The following LRFN2 variants were observed in gnomAD, a reference collection of about 807,000 sequenced individuals.
The protein encoded by LRFN2 is leucine-rich repeat and fibronectin type-III domain-containing protein 2.
In LRFN2, 18 loss-of-function variants were observed where a neutral mutation model predicts 37.3. The ratio of observed to expected loss-of-function variants is 0.48; its 90% CI spans 0.33 to 0.72. The LOEUF is 0.72. Ranked by LOEUF, LRFN2 falls within the 30% of genes least tolerant of loss-of-function variation. The probability of loss-of-function intolerance (pLI) is 0.02; values close to 1 mark genes in which losing one functional copy is unlikely to be tolerated. For synonymous variants in LRFN2, 556 were observed against 466.6 expected (o/e 1.19, Z -2.47); for missense variants, 1,006 against 1,060.7 (o/e 0.95, Z 0.72).
chr6:40,534,924 G>C (rs780755340), intron 1 of LRFN2, among the ~76,000 whole-genome samples: 9 of 152,132 alleles, frequency 5.9e-5, no homozygotes, highest in Non-Finnish European at 1.2e-4. Context: ...CAGATGAGGC[G>C]CCTGAGGCTC....
chr6:40,418,232 C>A (rs1202498817), intron 2 of LRFN2, among the ~76,000 whole-genome samples: 1 of 152,148 alleles, frequency 6.6e-6, no homozygotes, highest in African/African-American at 2.4e-5. Context: ...TTTCACCTGC[C>A]TGACTCTTTC....
chr6:40,557,169 C>T (rs1766906091), intron 1 of LRFN2, among the ~76,000 whole-genome samples: 1 of 152,148 alleles, frequency 6.6e-6, no homozygotes, highest in Non-Finnish European at 1.5e-5. Flanking sequence ...GACAGTGCCT[C>T]CTCACTCACC....
intron 1 of LRFN2, among the ~76,000 whole-genome samples, chr6:40,503,603 G>A (rs1391591215): frequency 6.6e-6 from 1 of 152,184 alleles, no homozygotes; most frequent in Non-Finnish European, 1.5e-5. Context: ...GTCTTGGTAG[G>A]AGACACAAAT....
intron 2 of LRFN2, among the ~76,000 whole-genome samples, chr6:40,398,385 G>A (rs1017764917): frequency 2.0e-5 from 3 of 151,996 alleles, no homozygotes; most frequent in East Asian, 3.9e-4. Context: ...AGAAGTAGCC[G>A]GACCTCACTC....
intron 1 of LRFN2, among the ~76,000 whole-genome samples, chr6:40,480,738 C>T (rs1764809071): frequency 1.3e-5 from 2 of 152,090 alleles, no homozygotes; most frequent in African/African-American, 4.8e-5. Context: ...AAGAATAAAT[C>T]CCTAGCCTGC....
At chr6:40,470,149 C>T (rs761756061) in intron 1 of LRFN2, among the ~76,000 whole-genome samples, 1 of 152,198 alleles carries the variant, frequency 6.6e-6, no homozygotes, top group Non-Finnish European at 1.5e-5. Context: ...GCCTGCAGAA[C>T]CCCACTTGCC....
intron 1 of LRFN2, among the ~76,000 whole-genome samples, chr6:40,568,496 T>C (rs1767130231): frequency 6.6e-6 from 1 of 152,216 alleles, no homozygotes; most frequent in South Asian, 2.1e-4. Context: ...TGTGGGTGGC[T>C]TACAGGCATC....
chr6:40,533,016 G>A (rs1766376030), intron 1 of LRFN2, among the ~76,000 whole-genome samples: 1 of 152,230 alleles, frequency 6.6e-6, no homozygotes, highest in South Asian at 2.1e-4. Flanking sequence ...AAGGTGTTAA[G>A]TGGCACAGTG....
intron 1 of LRFN2, among the ~76,000 whole-genome samples, chr6:40,436,935 A>G (rs955693635): frequency 6.6e-6 from 1 of 152,188 alleles, no homozygotes; most frequent in Admixed American, 6.5e-5. Flanking sequence ...CCACGAGAGC[A>G]CATGAACAGC....
intron 2 of LRFN2, 123 bp downstream of exon 2, chr6:40,431,591 A>T: frequency 1.3e-6 from 1 of 765,874 alleles, no homozygotes; most frequent in Non-Finnish European, 1.9e-6. Context: ...AGTTTGCCCC[A>T]GAATCCCCAC....
intron 1 of LRFN2, among the ~76,000 whole-genome samples, chr6:40,514,526 G>A (rs1430788948): frequency 1.3e-5 from 2 of 151,984 alleles, no homozygotes; most frequent in Non-Finnish European, 1.5e-5. Context: ...TGTTGACCAA[G>A]CTGATCTTGA....
chr6:40,449,263 C>A (rs1271147920), intron 1 of LRFN2, among the ~76,000 whole-genome samples: 1 of 152,166 alleles, frequency 6.6e-6, no homozygotes, highest in Non-Finnish European at 1.5e-5. Flanking sequence ...CAAAACATTC[C>A]TTTGTACCCC....
At chr6:40,396,858 A>G (rs1161022917) in intron 2 of LRFN2, among the ~76,000 whole-genome samples, 3 of 152,120 alleles carry the variant, frequency 2.0e-5, no homozygotes, top group Non-Finnish European at 4.4e-5. Context: ...CTTTTCTAAT[A>G]ACAATAATAA....
intron 2 of LRFN2, 60 bp downstream of exon 2, chr6:40,431,654 A>G (rs1581699177): frequency 7.0e-7 from 1 of 1,423,488 alleles, no homozygotes; most frequent in East Asian, 2.3e-5. Context: ...AGACCTCCCC[A>G]TCCCCTCCTC....
intron 1 of LRFN2, among the ~76,000 whole-genome samples, chr6:40,583,104 G>A (rs1230602837): frequency 6.6e-6 from 1 of 151,822 alleles, no homozygotes; most frequent in Non-Finnish European, 1.5e-5. Flanking sequence ...CCCCCAAGGG[G>A]GCAAAAATGT....
intron 1 of LRFN2, among the ~76,000 whole-genome samples, chr6:40,475,101 G>A (rs1329384074): frequency 2.0e-5 from 3 of 152,106 alleles, no homozygotes; most frequent in Non-Finnish European, 2.9e-5. Flanking sequence ...GAGCCTCCAG[G>A]GGTCAGTATG....
intron 1 of LRFN2, among the ~76,000 whole-genome samples, chr6:40,465,980 C>G (rs1764452737): frequency 6.6e-6 from 1 of 152,124 alleles, no homozygotes. Flanking sequence ...AGAAGGCAAT[C>G]CTCTTAAGGC....
chr6:40,520,736 G>C (rs1345964709), intron 1 of LRFN2, among the ~76,000 whole-genome samples: 2 of 152,192 alleles, frequency 1.3e-5, no homozygotes, highest in East Asian at 1.9e-4. Context: ...GGGGTGGAGA[G>C]TTGCCCTACC....
intron 2 of LRFN2, among the ~76,000 whole-genome samples, chr6:40,400,224 T>C (rs1762709556): frequency 1.3e-5 from 2 of 151,850 alleles, no homozygotes; most frequent in Non-Finnish European, 2.9e-5. Flanking sequence ...TTTCTACTGC[T>C]GATCACGATG....
Sources: allele counts gnomAD v4.1 joint callset (sites outside exome capture counted in the v4.1 genomes callset), GRCh38; gene constraint gnomAD v4.1.1; transcripts MANE v1.5; gene names NCBI Gene and HGNC (gene_info 2026-07-23, HGNC 2026-07-21).